Variants in SNX1 observed in about 807,000 individuals in gnomAD.
The protein encoded by SNX1 is sorting nexin 1, also known as sorting nexin-1.
A neutral mutation model predicts 71.8 loss-of-function variants in SNX1; 36 were observed. The observed-to-expected ratio is 0.50, with a 90% CI of 0.38 to 0.66. The LOEUF is 0.66. Among genes scored for constraint, SNX1 ranks in the 30% least tolerant of loss-of-function variants. SNX1 has a pLI of 0.00. For missense variants in SNX1, 612 were observed against 646.7 expected (o/e 0.95, Z 0.58); for synonymous variants, 254 against 240.7 (o/e 1.06, Z -0.51).
At chr15:64,109,002 C>A (rs2081051210) in intron 1 of SNX1, among the ~76,000 whole-genome samples, 2 of 148,568 alleles carry the variant, frequency 1.3e-5, no homozygotes, top group Admixed American at 6.7e-5. Context: ...AAAAAAAAAA[C>A]CAAAAGAGAG....
Position 64,141,937 on chromosome 15 carries a change from CA to C in SNX1, c.*4320del, listed in dbSNP as rs914929575. On this transcript the variant is annotated 3_prime_UTR_variant, in exon 15 of 15. Coordinates refer to ENST00000559844, the MANE Select transcript of SNX1 (RefSeq NM_003099.5). This position sits in a 1 kb window ranked among gnomAD's most constrained non-coding sequence, Gnocchi z 5.1. Reference sequence around the variant, plus strand: ...TAGGATGCCCCGCAAGCTTCTGGCCCAGACACTGGGCAGACAATGAAACCCT... The same window carrying C: ...TAGGATGCCCCGCAAGCTTCTGGCCCGACACTGGGCAGACAATGAAACCCT... 2.0e-5 allele frequency: 3 copies of C among 152,346 alleles called. No individual in the cohort carries two copies. Among genetic ancestry groups the C allele is most frequent in the Admixed American group, 6.5e-5 (1 of 15,298 alleles). The allele number at this position is 152,346 out of a possible 1,614,324, so 9.4% of individuals were successfully genotyped here.
intron 1 of SNX1, among the ~76,000 whole-genome samples, chr15:64,100,386 G>A (rs2080946461): frequency 6.6e-6 from 1 of 152,040 alleles, no homozygotes; most frequent in South Asian, 2.1e-4. Flanking sequence ...CGTATCACAA[G>A]GGCAGGAGTT....
At chr15:64,118,904 G>C (rs2081161926) in intron 4 of SNX1, 50 bp downstream of exon 4, 1 of 1,419,020 alleles carries the variant, frequency 7.0e-7, no homozygotes, top group African/African-American at 1.4e-5. Flanking sequence ...GCTGTGGAAA[G>C]CATAGGTAGC....
At chr15:64,097,389 T>G (rs113150841) in intron 1 of SNX1, among the ~76,000 whole-genome samples, 1 of 77,440 alleles carries the variant, frequency 1.3e-5, no homozygotes, top group Non-Finnish European at 2.3e-5. Flanking sequence ...CTTTTGGGAA[T>G]TCAGCTTTGG....
At position 64,138,238 on chromosome 15, in the gene SNX1, G is replaced by T; in HGVS notation, c.*620G>T. 8 of 1,468,102 alleles carry T rather than the reference G, an allele frequency of 5.4e-6. No individual in the cohort carries two copies. The highest frequency in any genetic ancestry group is 7.2e-6 in the Non-Finnish European group (8 of 1,118,494). The allele number at this position is 1,468,102 out of a possible 1,614,324, so 90.9% of individuals were successfully genotyped here. A position where few individuals can be genotyped will look rare whatever the true frequency, so the allele number is the denominator to read the frequency against. On this transcript the variant is annotated 3_prime_UTR_variant, in exon 15 of 15. Transcript: ENST00000559844. ...TCGTATTCCCACTTCTTTAGGGAAG[G>T]AGTTTTAAAAACATCTCTTAAAATA...
At chr15:64,107,669 A>C (rs138194169) in intron 1 of SNX1, among the ~76,000 whole-genome samples, 2,340 of 152,096 alleles carry the variant, frequency 0.015, 24 homozygotes, top group Middle Eastern at 0.027. Flanking sequence ...GATCAGTAGA[A>C]CCACTGGCTA....
intron 8 of SNX1, 129 bp downstream of exon 8, chr15:64,127,935 C>G (rs910194331): frequency 3.1e-6 from 2 of 638,424 alleles, no homozygotes; most frequent in African/African-American, 1.9e-5. Flanking sequence ...TTTGTGTGAA[C>G]CCCTGAGAGT....
At chr15:64,120,670 G>A (rs931327339) in intron 4 of SNX1, among the ~76,000 whole-genome samples, 9 of 151,914 alleles carry the variant, frequency 5.9e-5, no homozygotes, top group Admixed American at 5.9e-4. Context: ...AATTAGCCCT[G>A]TCTCTACAAA....
chr15:64,114,191 T>C (rs369522690), intron 2 of SNX1, among the ~76,000 whole-genome samples: 2 of 152,194 alleles, frequency 1.3e-5, no homozygotes, highest in African/African-American at 4.8e-5. Context: ...TTAAATTAGT[T>C]GCAGTGGGCA....
Position 64,138,200 on chromosome 15 carries a change from G to T in SNX1, c.*582G>T. On this transcript the variant is annotated 3_prime_UTR_variant, in exon 15 of 15. Coordinates refer to ENST00000559844, the MANE Select transcript of SNX1 (RefSeq NM_003099.5). ...CCTACCTCAGCTACCTGTTCTGAGG[G>T]TCTCAATCTGTTTCGTATTCCCACT... 6.6e-7 allele frequency: 1 copy of T among 1,520,138 alleles called. No homozygotes were observed. The highest frequency in any genetic ancestry group is 8.8e-7 in the Non-Finnish European group (1 of 1,142,774). 94.2% of individuals were successfully genotyped at this position (1,520,138 alleles called of 1,614,324 possible). A position where few individuals can be genotyped will look rare whatever the true frequency, so the allele number is the denominator to read the frequency against.
chr15:64,113,479 G>A (rs145239268), intron 2 of SNX1, among the ~76,000 whole-genome samples: 1 of 152,226 alleles, frequency 6.6e-6, no homozygotes, highest in African/African-American at 2.4e-5. Flanking sequence ...ACAAGGAATT[G>A]TTTAGCCTAA....
intron 1 of SNX1, among the ~76,000 whole-genome samples, chr15:64,097,331 T>A (rs924458430): frequency 2.6e-5 from 4 of 152,228 alleles, no homozygotes; most frequent in Non-Finnish European, 1.5e-5. Flanking sequence ...CTTTAGGAAG[T>A]TGGCCTTAAT....
Position 64,132,385 on chromosome 15 carries a change from G to C in SNX1, c.1221+493G>C, listed in dbSNP as rs188213701. The C allele has an allele frequency of 1.6e-3, 271 of 167,524 alleles. 1 individual carries two copies. Among genetic ancestry groups the C allele is most frequent in the Middle Eastern group, 0.013 (4 of 318 alleles). 10.4% of individuals were successfully genotyped at this position (167,524 alleles called of 1,614,324 possible). On this transcript the variant is annotated intron_variant, in intron 11 of 14. Transcript: ENST00000559844. ...CATGGAACTGGCTTGGCATTGCATG[G>C]AGGAGTGCGGCCAGGGGACTGAGAG...
intron 1 of SNX1, among the ~76,000 whole-genome samples, chr15:64,107,160 C>A (rs965475485): frequency 3.3e-5 from 5 of 152,192 alleles, no homozygotes; most frequent in Admixed American, 2.6e-4. Context: ...TTAGCTCTAT[C>A]TTGCCTTACT....
intron 4 of SNX1, among the ~76,000 whole-genome samples, chr15:64,121,442 C>A (rs779836557): frequency 6.6e-6 from 1 of 152,182 alleles, no homozygotes; most frequent in Non-Finnish European, 1.5e-5. Flanking sequence ...CATGTGGCAT[C>A]CTTCCTAAGC....
Position 64,138,068 on chromosome 15 carries a change from T to C in SNX1, c.*450T>C. The C allele has an allele frequency of 6.5e-7, 1 of 1,535,218 alleles. No individual in the cohort carries two copies. The highest frequency in any genetic ancestry group is 8.7e-7 in the Non-Finnish European group (1 of 1,146,688). On this transcript the variant is annotated 3_prime_UTR_variant, in exon 15 of 15. Transcript: ENST00000559844. ...CTGGGGAGCAGTTGGGAATCAGGTC[T>C]GGAATACTCCTAACCAAGAAGTTGC...
At chr15:64,137,035 G>GCCCA in intron 14 of SNX1, 103 bp downstream of exon 14, 5 of 852,208 alleles carry the variant, frequency 5.9e-6, no homozygotes, top group Non-Finnish European at 7.7e-6. Flanking sequence ...GCTTCTGAGG[G>GCCCA]GCTGGGCCCT....
rs1281315487 is a variant in SNX1 at position 64,142,295 on chromosome 15, TCCAG to T, written c.*4680_*4683del. On this transcript the variant is annotated 3_prime_UTR_variant, in exon 15 of 15. Transcript: ENST00000559844. Reference sequence around the variant, plus strand: ...GTGAGCTACAGTTGCGCCACTGCACTCCAGCCTAGGTGACAGAGCAAGATCTTGT... The same window carrying T: ...GTGAGCTACAGTTGCGCCACTGCACTCCTAGGTGACAGAGCAAGATCTTGT... The T allele has an allele frequency of 1.4e-5, 3 of 212,424 alleles. No individual in the cohort carries two copies. Among genetic ancestry groups the T allele is most frequent in the South Asian group, 6.6e-5 (1 of 15,048 alleles). 13.2% of individuals were successfully genotyped at this position (212,424 alleles called of 1,614,324 possible). A position where few individuals can be genotyped will look rare whatever the true frequency, so the allele number is the denominator to read the frequency against.
At chr15:64,118,710 G>C in intron 3 of SNX1, 78 bp from the exon 4 acceptor site, 2 of 1,042,612 alleles carry the variant, frequency 1.9e-6, no homozygotes, top group South Asian at 2.7e-5. Flanking sequence ...TATTAGATTG[G>C]TATAAGGTTA....
Sources: gnomAD v4.1 joint callset for allele counts (sites outside exome capture counted in the v4.1 genomes callset) on GRCh38, gnomAD v4.1.1 for gene constraint, Gnocchi (gnomAD v3.1) non-coding constraint, MANE v1.5 for transcripts, NCBI Gene and HGNC (gene_info 2026-07-23, HGNC 2026-07-21) for gene names.